CDH13: variants seen among roughly 807,000 people sequenced by gnomAD.
CDH13 encodes the protein cadherin 13.
In CDH13, 24 loss-of-function variants were observed where a neutral mutation model predicts 63.8. The ratio of observed to expected loss-of-function variants is 0.38; its 90% CI spans 0.27 to 0.53. The LOEUF is 0.53. CDH13 is among the 20% of genes least tolerant of loss of function. The probability of loss-of-function intolerance (pLI) is 0.85; values close to 1 mark genes in which losing one functional copy is unlikely to be tolerated. For missense variants in CDH13, 1,049 were observed against 903.1 expected (o/e 1.16, Z -2.07); for synonymous variants, 503 against 355.3 (o/e 1.42, Z -4.67).
chr16:83,676,592 C>G (rs948627386), intron 9 of CDH13, among the ~76,000 whole-genome samples: 4 of 152,216 alleles, frequency 2.6e-5, no homozygotes, highest in African/African-American at 9.6e-5. Context: ...TGAATTACTG[C>G]TGTGTTACAA....
intron 4 of CDH13, among the ~76,000 whole-genome samples, chr16:83,167,439 G>A (rs752639109): frequency 2.1e-4 from 31 of 148,260 alleles, no homozygotes; most frequent in Non-Finnish European, 3.4e-4. Flanking sequence ...GGCAGAAGTT[G>A]CAGTGAGCTG....
chr16:83,036,290 C>T (rs1030763150), intron 3 of CDH13, among the ~76,000 whole-genome samples: 3 of 151,810 alleles, frequency 2.0e-5, no homozygotes, highest in East Asian at 1.9e-4. Context: ...GCTGAGATTA[C>T]AGGCACCCAC....
At chr16:83,039,015 G>A (rs1375529382) in intron 3 of CDH13, among the ~76,000 whole-genome samples, 1 of 152,204 alleles carries the variant, frequency 6.6e-6, no homozygotes, top group African/African-American at 2.4e-5. Flanking sequence ...GCTTCGTCTT[G>A]AAACATGGAA....
intron 3 of CDH13, among the ~76,000 whole-genome samples, chr16:83,062,995 C>T (rs993041860): frequency 6.6e-5 from 9 of 136,962 alleles, no homozygotes; most frequent in African/African-American, 2.4e-4. Flanking sequence ...CAGAGTATTG[C>T]TCTATTACCC....
intron 1 of CDH13, among the ~76,000 whole-genome samples, chr16:82,790,129 C>T (rs1172884029): frequency 2.0e-5 from 3 of 152,106 alleles, no homozygotes; most frequent in South Asian, 2.1e-4. Flanking sequence ...AACACACACA[C>T]GTACCTTACA....
chr16:82,845,452 G>T (rs575225338), intron 1 of CDH13, among the ~76,000 whole-genome samples: 1 of 152,212 alleles, frequency 6.6e-6, no homozygotes, highest in Non-Finnish European at 1.5e-5. Flanking sequence ...GAAACTCATC[G>T]CAGCAGCAAC....
In CDH13 at chr16:82,775,937, C is replaced by T. The variant is rs145340201; in HGVS notation, c.46-82425C>T. Among the ~76,000 whole-genome samples the T allele has an allele frequency of 1.4e-4, 22 of 152,264 alleles. No homozygotes were observed. The East Asian group carries it at 3.7e-3, about 25-fold the overall frequency. Reference sequence around the variant, plus strand: ...AGAAAGGGCACTATCAGGCTGCATGCAGTGGCTCACATCTGGAATCCCAGC... The same window carrying T: ...AGAAAGGGCACTATCAGGCTGCATGTAGTGGCTCACATCTGGAATCCCAGC... On this transcript the variant is annotated intron_variant, in intron 1 of 13. Coordinates refer to ENST00000567109, the MANE Select transcript of CDH13 (RefSeq NM_001257.5).
At chr16:83,550,118 A>G (rs1246035213) in intron 7 of CDH13, among the ~76,000 whole-genome samples, 2 of 152,174 alleles carry the variant, frequency 1.3e-5, no homozygotes, top group Non-Finnish European at 2.9e-5. Flanking sequence ...ACAACCTTAG[A>G]CTGCAGGATG....
intron 1 of CDH13, among the ~76,000 whole-genome samples, chr16:82,791,019 C>T (rs1055638863): frequency 3.9e-5 from 6 of 152,112 alleles, no homozygotes; most frequent in Admixed American, 2.0e-4. Flanking sequence ...GGGCAGATCA[C>T]GAGGTCAGGA....
chr16:82,935,992 G>T (rs1191968246), intron 2 of CDH13, among the ~76,000 whole-genome samples: 1 of 152,148 alleles, frequency 6.6e-6, no homozygotes, highest in Non-Finnish European at 1.5e-5. Flanking sequence ...TCACCCATTG[G>T]TTCTGTCAGG....
At chr16:83,321,184 A>C (rs1328311897) in intron 5 of CDH13, among the ~76,000 whole-genome samples, 1 of 152,214 alleles carries the variant, frequency 6.6e-6, no homozygotes, top group African/African-American at 2.4e-5. Context: ...CACAGACATC[A>C]ATCTCTTGTG....
chr16:83,024,856 T>C (rs1330010582), intron 2 of CDH13, among the ~76,000 whole-genome samples: 1 of 152,210 alleles, frequency 6.6e-6, no homozygotes, highest in East Asian at 1.9e-4. Context: ...TTCACAACTG[T>C]TCACATGAAG....
chr16:83,023,383 C>G (rs1048930169), intron 2 of CDH13, among the ~76,000 whole-genome samples: 42 of 151,910 alleles, frequency 2.8e-4, no homozygotes, highest in African/African-American at 9.9e-4. Context: ...CAATAAATCT[C>G]CATGTACAGT....
At chr16:83,059,659 C>T (rs558047642) in intron 3 of CDH13, among the ~76,000 whole-genome samples, 3 of 152,080 alleles carry the variant, frequency 2.0e-5, no homozygotes. Flanking sequence ...CTGAGGCTAG[C>T]AGGCTGACTT....
intron 6 of CDH13, among the ~76,000 whole-genome samples, chr16:83,347,586 T>C (rs2090866905): frequency 6.6e-6 from 1 of 152,182 alleles, no homozygotes; most frequent in South Asian, 2.1e-4. Flanking sequence ...CATCATTTCA[T>C]CCATGATCCC....
At chr16:83,109,685 A>G (rs953749802) in intron 3 of CDH13, among the ~76,000 whole-genome samples, 5 of 152,172 alleles carry the variant, frequency 3.3e-5, no homozygotes, top group African/African-American at 9.7e-5. Context: ...AGGAGTACAT[A>G]TGTGTATTAG....
chr16:83,106,909 A>T (rs80110078), intron 3 of CDH13, among the ~76,000 whole-genome samples: 2,105 of 150,022 alleles, frequency 0.014, 40 homozygotes, highest in African/African-American at 0.048. Flanking sequence ...TTTTTTTTAA[A>T]AAAGTATAAT....
At chr16:83,077,535 T>C (rs1000471212) in intron 3 of CDH13, among the ~76,000 whole-genome samples, 7 of 152,180 alleles carry the variant, frequency 4.6e-5, no homozygotes, top group African/African-American at 1.7e-4. Flanking sequence ...TACATCAGCA[T>C]TCATTTCTCT....
chr16:82,630,600 A>G (rs1432566381), intron 1 of CDH13, among the ~76,000 whole-genome samples: 1 of 152,224 alleles, frequency 6.6e-6, no homozygotes, highest in Non-Finnish European at 1.5e-5. Context: ...TGCATTATCT[A>G]AAAGCATCAG....
Sources: gnomAD v4.1 joint callset for allele counts (sites outside exome capture counted in the v4.1 genomes callset) on GRCh38, gnomAD v4.1.1 for gene constraint, MANE v1.5 for transcripts, NCBI Gene and HGNC (gene_info 2026-07-23, HGNC 2026-07-21) for gene names.